Variants in STK32A observed in about 807,000 individuals in gnomAD.
The protein encoded by STK32A is serine/threonine-protein kinase 32A.
Under a neutral mutation model 53.2 loss-of-function variants are expected in STK32A, and 41 were observed. The ratio of observed to expected loss-of-function variants is 0.77; its 90% CI spans 0.60 to 1.00. STK32A has a LOEUF of 1.00. Among genes scored for constraint, STK32A ranks in the 50% least tolerant of loss-of-function variants. STK32A has a pLI of 0.00. For synonymous variants in STK32A, 166 were observed against 162.8 expected (o/e 1.02, Z -0.15); for missense variants, 458 against 485.8 (o/e 0.94, Z 0.54).
intron 8 of STK32A, among the ~76,000 whole-genome samples, chr5:147,363,272 C>T (rs888714636): frequency 2.0e-5 from 3 of 152,132 alleles, no homozygotes; most frequent in Admixed American, 1.3e-4. Context: ...TCTATTATAT[C>T]TTAAAACTCG....
At chr5:147,391,986 CAG>C (rs1294725218), downstream of STK32A, 1 of 152,200 alleles carries the variant, frequency 6.6e-6, no homozygotes, top group Non-Finnish European at 1.5e-5. Flanking sequence ...AACAGCAGAG[CAG>C]AGAGTGCAGA....
At chr5:147,399,890 A>G in the STK32A span, among the ~76,000 whole-genome samples, 3 of 152,228 alleles carry the variant, frequency 2.0e-5, no homozygotes, top group African/African-American at 7.2e-5. Context: ...ACAGACAACA[A>G]TATTTATATT....
intron 2 of STK32A, among the ~76,000 whole-genome samples, chr5:147,270,927 T>C (rs1250980951): frequency 6.6e-6 from 1 of 152,184 alleles, no homozygotes; most frequent in Admixed American, 6.5e-5. Context: ...ATTTCTACTT[T>C]TATCAACTTT....
intron 4 of STK32A, among the ~76,000 whole-genome samples, chr5:147,319,143 T>A (rs1310982284): frequency 6.7e-6 from 1 of 148,218 alleles, no homozygotes; most frequent in Admixed American, 6.7e-5. Flanking sequence ...CTGGTACTTT[T>A]TTTTTTTTTT....
chr5:147,267,234 A>C (rs1429382855), intron 2 of STK32A, among the ~76,000 whole-genome samples: 1 of 152,190 alleles, frequency 6.6e-6, no homozygotes, highest in Non-Finnish European at 1.5e-5. Flanking sequence ...GTATCTGGTC[A>C]AAATTGAAAG....
In STK32A at chr5:147,385,283, G is replaced by A. The variant is rs1248120304; in HGVS notation, c.*1300G>A. The A allele has an allele frequency of 6.6e-6, 1 of 152,170 alleles. No individual in the cohort carries two copies. The highest frequency in any genetic ancestry group is 6.5e-5 in the Admixed American group (1 of 15,274). 9.4% of individuals were successfully genotyped at this position (152,170 alleles called of 1,614,324 possible). On this transcript the variant is annotated 3_prime_UTR_variant, in exon 13 of 13. Transcript: ENST00000397936. ...CTCCTAAGTAGCTGGGATCGCATGT[G>A]TGTGCCACCATGTGTAGCTAATTTT...
intron 5 of STK32A, among the ~76,000 whole-genome samples, chr5:147,327,275 C>A (rs1268777780): frequency 6.6e-6 from 1 of 152,110 alleles, no homozygotes; most frequent in South Asian, 2.1e-4. Flanking sequence ...CTTTTTTAAA[C>A]CTCCTTCTTC....
At chr5:147,312,163 C>A (rs774717934) in intron 4 of STK32A, among the ~76,000 whole-genome samples, 11 of 152,180 alleles carry the variant, frequency 7.2e-5, no homozygotes, top group Non-Finnish European at 1.5e-4. Flanking sequence ...TGCAATGGCA[C>A]AATCTTGGCT....
At chr5:147,391,665 A>G (rs1757808149), downstream of STK32A, 1 of 152,176 alleles carries the variant, frequency 6.6e-6, no homozygotes, top group Non-Finnish European at 1.5e-5. Flanking sequence ...TGTCTTATGA[A>G]ACGAAACAAA....
chr5:147,266,817 G>T (rs924642535), intron 2 of STK32A, among the ~76,000 whole-genome samples: 7 of 152,098 alleles, frequency 4.6e-5, no homozygotes, highest in Non-Finnish European at 1.0e-4. Context: ...CTGAGGTCGG[G>T]AGTTCAAGAC....
chr5:147,366,381 G>A (rs1019302126), intron 8 of STK32A, among the ~76,000 whole-genome samples: 1 of 152,014 alleles, frequency 6.6e-6, no homozygotes, highest in Non-Finnish European at 1.5e-5. Flanking sequence ...TTCATTGCAG[G>A]GCTTTTCAAA....
At chr5:147,363,786 G>A (rs1330489396) in intron 8 of STK32A, among the ~76,000 whole-genome samples, 2 of 152,074 alleles carry the variant, frequency 1.3e-5, no homozygotes, top group East Asian at 3.9e-4. Context: ...CTCATTTTCT[G>A]CAATATGGAT....
At chr5:147,354,629 T>G (rs1756134781) in intron 7 of STK32A, among the ~76,000 whole-genome samples, 1 of 152,200 alleles carries the variant, frequency 6.6e-6, no homozygotes, top group Non-Finnish European at 1.5e-5. Context: ...TTTGTTTATT[T>G]TTCTCAGCAG....
At chr5:147,395,252 C>A in the STK32A span, among the ~76,000 whole-genome samples, 2 of 152,202 alleles carry the variant, frequency 1.3e-5, no homozygotes, top group African/African-American at 4.8e-5. Context: ...TGCTGGAAAT[C>A]ACTATCAATT....
At chr5:147,349,678 C>T (rs1581125655) in intron 6 of STK32A, among the ~76,000 whole-genome samples, 1 of 152,192 alleles carries the variant, frequency 6.6e-6, no homozygotes, top group East Asian at 1.9e-4. Flanking sequence ...TAGTCTACTC[C>T]TTCTTTTTTT....
At chr5:147,346,066 TC>T (rs1232969167) in intron 6 of STK32A, among the ~76,000 whole-genome samples, 3 of 152,192 alleles carry the variant, frequency 2.0e-5, no homozygotes, top group Non-Finnish European at 4.4e-5. Context: ...AGTAGGACTC[TC>T]AGACATTACT....
intron 6 of STK32A, among the ~76,000 whole-genome samples, chr5:147,350,670 T>A (rs1268144702): frequency 6.6e-6 from 1 of 152,080 alleles, no homozygotes; most frequent in Admixed American, 6.6e-5. Context: ...GCCCAGCCTA[T>A]TTGCCTCTTT....
intron 7 of STK32A, among the ~76,000 whole-genome samples, chr5:147,360,730 A>G (rs910580892): frequency 1.3e-5 from 2 of 152,170 alleles, no homozygotes; most frequent in African/African-American, 4.8e-5. Context: ...GACAGTAGGA[A>G]TATGGTGGTG....
downstream of STK32A, chr5:147,392,418 T>C (rs147224404): frequency 6.6e-6 from 1 of 152,344 alleles, no homozygotes; most frequent in African/African-American, 2.4e-5. Flanking sequence ...TCAGAGACAA[T>C]GGTTTCTCCT....
Sources: allele counts gnomAD v4.1 joint callset (sites outside exome capture counted in the v4.1 genomes callset), GRCh38; gene constraint gnomAD v4.1.1; transcripts MANE v1.5; gene names NCBI Gene and HGNC (gene_info 2026-07-23, HGNC 2026-07-21).